RFX3: variants seen among roughly 807,000 people sequenced by gnomAD.
RFX3 encodes the protein regulatory factor X3, also known as transcription factor RFX3.
A neutral mutation model predicts 98.6 loss-of-function variants in RFX3; 14 were observed. The ratio of observed to expected loss-of-function variants is 0.14; its 90% CI spans 0.09 to 0.22. The LOEUF (loss-of-function observed/expected upper bound fraction) is 0.22, where lower values mean the gene tolerates loss of function less well. RFX3 is among the 10% of genes least tolerant of loss of function. The probability of loss-of-function intolerance (pLI) is 1.00; values close to 1 mark genes in which losing one functional copy is unlikely to be tolerated. For missense variants in RFX3, 639 were observed against 926.9 expected (o/e 0.69, Z 4.03); for synonymous variants, 383 against 328.4 (o/e 1.17, Z -1.80).
rs1817237402 is a variant in RFX3 at position 3,219,534 on chromosome 9, T to C, written c.*5508A>G. On this transcript the variant is annotated 3_prime_UTR_variant, in exon 17 of 17. Transcript: ENST00000617270. Reference sequence around the variant, plus strand: ...GAAGAGACAAAACACATTTTTCTTTTTAAAAAAACATATTATCAATTATTT... The same window carrying C: ...GAAGAGACAAAACACATTTTTCTTTCTAAAAAAACATATTATCAATTATTT... The C allele has an allele frequency of 6.6e-6, 1 of 151,934 alleles. No homozygotes were observed. The highest frequency in any genetic ancestry group is 1.5e-5 in the Non-Finnish European group (1 of 67,974). 9.4% of individuals were successfully genotyped at this position (151,934 alleles called of 1,614,324 possible).
At chr9:3,414,551 G>GTA (rs929897013) in intron 1 of RFX3, among the ~76,000 whole-genome samples, 8 of 148,806 alleles carry the variant, frequency 5.4e-5, no homozygotes, top group East Asian at 3.9e-4. Context: ...ATATGAGTGT[G>GTA]TATATATATA....
chr9:3,474,940 A>C (rs915525395), intron 1 of RFX3, among the ~76,000 whole-genome samples: 4 of 152,028 alleles, frequency 2.6e-5, no homozygotes, highest in African/African-American at 9.7e-5. Context: ...TCTCCACAAA[A>C]AGTAAAAAAT....
At chr9:3,435,496 A>T (rs1845043555) in intron 1 of RFX3, among the ~76,000 whole-genome samples, 1 of 151,968 alleles carries the variant, frequency 6.6e-6, no homozygotes, top group South Asian at 2.1e-4. Flanking sequence ...CTATAATAAT[A>T]TTTCAGCTCT....
At chr9:3,421,390 A>G (rs935230918) in intron 1 of RFX3, among the ~76,000 whole-genome samples, 1 of 152,250 alleles carries the variant, frequency 6.6e-6, no homozygotes, top group Non-Finnish European at 1.5e-5. Flanking sequence ...TCTAAAATTT[A>G]CAGTAAAATA....
chr9:3,435,269 C>T (rs1468353374), intron 1 of RFX3, among the ~76,000 whole-genome samples: 2 of 151,930 alleles, frequency 1.3e-5, no homozygotes, highest in Non-Finnish European at 2.9e-5. Context: ...ACTTTATAAA[C>T]TTTTTAATTT....
At chr9:3,276,479 C>T (rs1825242905) in intron 8 of RFX3, among the ~76,000 whole-genome samples, 1 of 152,010 alleles carries the variant, frequency 6.6e-6, no homozygotes, top group Non-Finnish European at 1.5e-5. Context: ...CCAGAATATG[C>T]TTAGTTTTTA....
chr9:3,484,958 G>A (rs569706676), intron 1 of RFX3, among the ~76,000 whole-genome samples: 1 of 149,280 alleles, frequency 6.7e-6, no homozygotes. Context: ...AAAAAAAGCT[G>A]GGCATGATGA....
intron 1 of RFX3, among the ~76,000 whole-genome samples, chr9:3,440,860 C>A (rs538363661): frequency 6.6e-6 from 1 of 152,208 alleles, no homozygotes; most frequent in Non-Finnish European, 1.5e-5. Flanking sequence ...ATAACTAAGA[C>A]AGTATGTTAC....
chr9:3,374,589 G>A (rs1017305721), intron 2 of RFX3, among the ~76,000 whole-genome samples: 11 of 152,206 alleles, frequency 7.2e-5, no homozygotes, highest in Admixed American at 5.9e-4. Context: ...AGGACATTTC[G>A]CTAACTGAAA....
chr9:3,413,905 A>G (rs1842668438), intron 1 of RFX3, among the ~76,000 whole-genome samples: 1 of 152,150 alleles, frequency 6.6e-6, no homozygotes, highest in African/African-American at 2.4e-5. Flanking sequence ...GAAGAATGGT[A>G]AGGCTAGTGT....
chr9:3,412,228 T>C (rs532004949), intron 1 of RFX3, among the ~76,000 whole-genome samples: 1 of 152,274 alleles, frequency 6.6e-6, no homozygotes, highest in East Asian at 1.9e-4. Context: ...ATTACTTTAC[T>C]TTATCTATGT....
At chr9:3,282,233 TGAAGAGTTCCACTCTTTTAG>T (rs1234950636) in intron 7 of RFX3, among the ~76,000 whole-genome samples, 1 of 151,774 alleles carries the variant, frequency 6.6e-6, no homozygotes, top group African/African-American at 2.4e-5. Context: ...ATAGTAAATA[TGAAGAGTTCCACTCTTTTAG>T]AATAGTAGCT....
chr9:3,347,420 A>G (rs770756323), intron 2 of RFX3, among the ~76,000 whole-genome samples: 11 of 152,232 alleles, frequency 7.2e-5, no homozygotes, highest in Non-Finnish European at 1.5e-4. Context: ...AATTCATAAT[A>G]GAAAATTTCA....
intron 1 of RFX3, among the ~76,000 whole-genome samples, chr9:3,497,387 C>A (rs1324329671): frequency 2.6e-5 from 4 of 151,894 alleles, no homozygotes; most frequent in Admixed American, 1.3e-4. Flanking sequence ...ACAGTGGCTC[C>A]AGTGGATTAT....
In RFX3 at chr9:3,510,715, A is replaced by C. The variant is rs140731432; in HGVS notation, c.-9+15032T>G. Among the ~76,000 whole-genome samples the C allele has an allele frequency of 4.6e-5, 7 of 152,172 alleles. No homozygotes were observed. The East Asian group carries it at 1.3e-3, about 29-fold the overall frequency. ...GCATTAAATTCATAAGGAAATCTATAAATATTTCTGAAAATAACATGTACA... is the reference window on the plus strand; with the variant it reads ...GCATTAAATTCATAAGGAAATCTATCAATATTTCTGAAAATAACATGTACA... On this transcript the variant is annotated intron_variant, in intron 1 of 16. Transcript: ENST00000617270.
intron 1 of RFX3, among the ~76,000 whole-genome samples, chr9:3,397,813 C>A (rs1841052725): frequency 6.6e-6 from 1 of 152,166 alleles, no homozygotes; most frequent in Non-Finnish European, 1.5e-5. Flanking sequence ...GCTAAGAATT[C>A]TTTTAAGTGC....
At chr9:3,399,273 T>TAA (rs35058002) in intron 1 of RFX3, among the ~76,000 whole-genome samples, 20 of 118,292 alleles carry the variant, frequency 1.7e-4, no homozygotes, top group African/African-American at 5.1e-4. Context: ...TGTCTCTGCT[T>TAA]AAAAAAAAAA....
chr9:3,442,484 G>C (rs1330023349), intron 1 of RFX3, among the ~76,000 whole-genome samples: 4 of 152,126 alleles, frequency 2.6e-5, no homozygotes, highest in Admixed American at 2.0e-4. Context: ...TCAAGGATCA[G>C]AGCTAAGGAG....
At chr9:3,231,929 T>G (rs1327208173) in intron 15 of RFX3, among the ~76,000 whole-genome samples, 1 of 151,680 alleles carries the variant, frequency 6.6e-6, no homozygotes, top group African/African-American at 2.4e-5. Flanking sequence ...CTGGGCATGG[T>G]GGCGGAGGCA....
Sources: allele counts gnomAD v4.1 joint callset (sites outside exome capture counted in the v4.1 genomes callset), GRCh38; gene constraint gnomAD v4.1.1; transcripts MANE v1.5; gene names NCBI Gene and HGNC (gene_info 2026-07-23, HGNC 2026-07-21).